PCSK6: variants seen among roughly 807,000 people sequenced by gnomAD.
The protein encoded by PCSK6 is proprotein convertase subtilisin/kexin type 6, also known as paired basic amino acid cleaving enzyme 4.
PCSK6 carries 85 observed loss-of-function variants against 123.3 expected under a neutral mutation model. That is an observed-to-expected ratio of 0.69 (90% CI 0.58 to 0.83). The LOEUF is 0.83. PCSK6 is among the 40% of genes least tolerant of loss of function. PCSK6 has a pLI of 0.00. For missense variants in PCSK6, 1,191 were observed against 1,282.3 expected, an observed-to-expected ratio of 0.93 and a Z score of 1.09; for synonymous variants, 508 against 516.0, an observed-to-expected ratio of 0.98 and a Z score of 0.21.
chr15:101,415,541 C>T (rs184639380), intron 6 of PCSK6, among the ~76,000 whole-genome samples: 23 of 152,330 alleles, frequency 1.5e-4, no homozygotes, highest in African/African-American at 5.3e-4. Flanking sequence ...CCAAAGGCAG[C>T]TTATGGGCTA....
At chr15:101,389,393 G>T in intron 9 of PCSK6, 71 bp downstream of exon 9, 1 of 1,217,868 alleles carries the variant, frequency 8.2e-7, no homozygotes, top group Non-Finnish European at 1.2e-6. Context: ...GGTGAAAATG[G>T]CCAATGTCAT....
chr15:101,429,547 G>A (rs748804491), intron 5 of PCSK6, among the ~76,000 whole-genome samples: 1 of 152,082 alleles, frequency 6.6e-6, no homozygotes, highest in Admixed American at 6.5e-5. Context: ...CTGAACCTGG[G>A]TCTATCCAGC....
intron 1 of PCSK6, among the ~76,000 whole-genome samples, chr15:101,481,360 G>A (rs1180693344): frequency 6.6e-6 from 1 of 150,982 alleles, no homozygotes; most frequent in African/African-American, 2.4e-5. Flanking sequence ...CTGGTGACGG[G>A]TGGGAAGGCT....
chr15:101,412,093 C>T (rs537414861), intron 6 of PCSK6, among the ~76,000 whole-genome samples: 10 of 152,312 alleles, frequency 6.6e-5, no homozygotes, highest in South Asian at 2.1e-4. Context: ...AGACTTCCCA[C>T]GCTTGGGTAT....
intron 6 of PCSK6, among the ~76,000 whole-genome samples, chr15:101,425,228 G>GA (rs1596319752): frequency 2.6e-5 from 4 of 152,188 alleles, no homozygotes; most frequent in Admixed American, 2.6e-4. Context: ...CTCTCTGGAA[G>GA]GTAGGTGTGG....
Position 101,322,738 on chromosome 15 carries a change from G to A in PCSK6, c.2378-131C>T, listed in dbSNP as rs913340749. On this transcript the variant is annotated intron_variant, in intron 17 of 21. Coordinates refer to ENST00000611716, the MANE Select transcript of PCSK6 (RefSeq NM_002570.5). The stretch of plus-strand genomic sequence containing the variant: ...GTTCCCCGAGTCCACCTCCGGAATG[G>A]GTGGAAATAAAGCAGCCAGAGGCCG... 10 of 644,768 alleles carry A rather than the reference G, an allele frequency of 1.6e-5. No homozygotes were observed. The African/African-American group carries it at 1.8e-4, about 12-fold the overall frequency. 39.9% of individuals were successfully genotyped at this position (644,768 alleles called of 1,614,324 possible).
At chr15:101,346,167 G>T (rs2040723264) in intron 13 of PCSK6, among the ~76,000 whole-genome samples, 1 of 152,174 alleles carries the variant, frequency 6.6e-6, no homozygotes, top group Non-Finnish European at 1.5e-5. Flanking sequence ...CATATTTGTG[G>T]TTTCCACCTC....
At chr15:101,431,205 G>A in intron 4 of PCSK6, 115 bp downstream of exon 4, 1 of 1,061,010 alleles carries the variant, frequency 9.4e-7, no homozygotes, top group Non-Finnish European at 1.4e-6. Flanking sequence ...TTTCTTTACT[G>A]CCTAACTTAA....
At chr15:101,335,915 C>A (rs2040466504) in intron 13 of PCSK6, among the ~76,000 whole-genome samples, 1 of 152,206 alleles carries the variant, frequency 6.6e-6, no homozygotes, top group African/African-American at 2.4e-5. Flanking sequence ...CAGGATGGTG[C>A]TGTATGGAAT....
intron 17 of PCSK6, 33 bp from the exon 18 acceptor site, chr15:101,322,640 G>T: frequency 1.5e-6 from 2 of 1,336,462 alleles, no homozygotes; most frequent in Non-Finnish European, 2.2e-6. Flanking sequence ...GAAAAGAGAA[G>T]GGACGACACT....
chr15:101,393,492 C>T (rs1439256778), intron 7 of PCSK6, 68 bp from the exon 8 acceptor site: 19 of 1,210,906 alleles, frequency 1.6e-5, no homozygotes, highest in Non-Finnish European at 2.2e-5. Flanking sequence ...TCCCCCCGAA[C>T]CTAGAGTCCC....
At chr15:101,306,691 C>T (rs1375935735) in intron 21 of PCSK6, among the ~76,000 whole-genome samples, 1 of 152,212 alleles carries the variant, frequency 6.6e-6, no homozygotes. Flanking sequence ...TACAACTTGT[C>T]CTTGTCCCCC....
intron 1 of PCSK6, among the ~76,000 whole-genome samples, chr15:101,460,797 C>T (rs925067713): frequency 2.6e-5 from 4 of 152,052 alleles, no homozygotes; most frequent in Non-Finnish European, 5.9e-5. Context: ...TTATATAACT[C>T]ATGGTAAAAG....
chr15:101,359,785 C>T (rs890309758), intron 13 of PCSK6, among the ~76,000 whole-genome samples: 12 of 152,274 alleles, frequency 7.9e-5, no homozygotes, highest in Admixed American at 5.2e-4. Flanking sequence ...AGGCTCCAAA[C>T]GTGTGAATCA....
In PCSK6 at chr15:101,305,179, G is replaced by C. The variant is rs2039692805; in HGVS notation, c.*79C>G. 2 of 1,245,114 alleles carry C rather than the reference G, an allele frequency of 1.6e-6. No homozygotes were observed. The highest frequency in any genetic ancestry group is 3.0e-5 in the African/African-American group (2 of 67,540). The allele number at this position is 1,245,114 out of a possible 1,614,324, so 77.1% of individuals were successfully genotyped here. A position where few individuals can be genotyped will look rare whatever the true frequency, so the allele number is the denominator to read the frequency against. ...GGTGCAGGGCGCCGCTCCTGAAACA[G>C]ACTCTGGCCGACAGTCTGGAGGAAG... On this transcript the variant is annotated 3_prime_UTR_variant, in exon 22 of 22. Coordinates refer to ENST00000611716, the MANE Select transcript of PCSK6 (RefSeq NM_002570.5). This position sits in a 1 kb window ranked among gnomAD's most constrained non-coding sequence, Gnocchi z 4.8.
In PCSK6 at chr15:101,382,133, T is replaced by C. The variant is rs1317816747; in HGVS notation, c.1491A>G (p.Pro497=). The C allele has an allele frequency of 6.2e-7, 1 of 1,612,512 alleles. No individual in the cohort carries two copies. The highest frequency in any genetic ancestry group is 1.7e-5 in the Admixed American group (1 of 59,814). ...VVEAKKWTAV[P]SQHMCVAASD... is the part of the protein sequence containing the mutation. ...AGGCGGCCACACACATGTGCTGCGA[T>C]GGCACTGCTGTCCACTTCTTTGCCT... The change falls in exon 11 of 22, where the codon CCA becomes CCG. Residue 497 remains proline (P), a synonymous_variant. Transcript: ENST00000611716.
At position 101,306,286 on chromosome 15, in the gene PCSK6, G is replaced by A. The variant is rs150817593; in HGVS notation, c.2812+927C>T. Among the ~76,000 whole-genome samples the A allele has an allele frequency of 5.7e-3, 874 of 152,236 alleles. 12 individuals carry two copies. The highest frequency in any genetic ancestry group is 0.02 in the African/African-American group (814 of 41,534). On this transcript the variant is annotated intron_variant, in intron 21 of 21. Coordinates refer to ENST00000611716, the MANE Select transcript of PCSK6 (RefSeq NM_002570.5). Reference sequence around the variant, plus strand: ...TTGGGCTAGATACATAACCTGGGCAGGTGACTTCCCAAAGAAGTAGTTTCT... The same window carrying A: ...TTGGGCTAGATACATAACCTGGGCAAGTGACTTCCCAAAGAAGTAGTTTCT...
chr15:101,405,110 T>C (rs1212211992), intron 6 of PCSK6, among the ~76,000 whole-genome samples: 9 of 152,096 alleles, frequency 5.9e-5, no homozygotes. Context: ...AAAGAAAAGG[T>C]AAATATTTTC....
chr15:101,336,371 A>C (rs1457063046), intron 13 of PCSK6, among the ~76,000 whole-genome samples: 1 of 152,206 alleles, frequency 6.6e-6, no homozygotes, highest in Non-Finnish European at 1.5e-5. Flanking sequence ...TGCACACGTC[A>C]TTTCAGCTGT....
Sources: allele counts gnomAD v4.1 joint callset (sites outside exome capture counted in the v4.1 genomes callset), GRCh38; gene constraint gnomAD v4.1.1; non-coding constraint Gnocchi (gnomAD v3.1); transcripts MANE v1.5; gene names NCBI Gene and HGNC (gene_info 2026-07-23, HGNC 2026-07-21).